TTC34: variants seen among roughly 807,000 people sequenced by gnomAD.
TTC34 encodes the protein tetratricopeptide repeat protein 34.
TTC34 carries 44 observed loss-of-function variants against 40.7 expected under a neutral mutation model. The observed-to-expected ratio is 1.08, with a 90% CI of 0.85 to 1.39. The LOEUF (loss-of-function observed/expected upper bound fraction) is 1.39, where lower values mean the gene tolerates loss of function less well. Ranked by LOEUF, TTC34 falls within the 40% of genes most tolerant of loss-of-function variation. The pLI, the probability that TTC34 is intolerant of heterozygous loss-of-function variation, is 0.00. For missense variants in TTC34, 884 were observed against 838.0 expected (o/e 1.05, Z -0.68); for synonymous variants, 422 against 398.6 (o/e 1.06, Z -0.70).
In TTC34 at chr1:2,687,185, C is replaced by A. The variant is rs28436796; in HGVS notation, c.2227-41622G>T. ...CACACACACAGGCGAGCATCTGAAC[C>A]CACGGAGCAGCACCCACACCTCCCG... On this transcript the variant is annotated intron_variant, in intron 6 of 8. Transcript: ENST00000401095. 1.5e-3 allele frequency among the ~76,000 whole-genome samples: 161 copies of A among 108,376 alleles called. 4 individuals are homozygous for A. In the South Asian group the frequency reaches 0.034, roughly 23 times the overall value. 71.1% of individuals were successfully genotyped at this position (108,376 alleles called of 152,430 possible). A position where few individuals can be genotyped will look rare whatever the true frequency, so the allele number is the denominator to read the frequency against.
chr1:2,749,405 C>A (rs1444652352), intron 6 of TTC34, among the ~76,000 whole-genome samples: 12 of 130,428 alleles, frequency 9.2e-5, no homozygotes, highest in African/African-American at 1.6e-4. Flanking sequence ...ACCCTGCACC[C>A]CCAGGTGCGC....
chr1:2,771,302 G>A (rs1231101546), intron 6 of TTC34, among the ~76,000 whole-genome samples: 15 of 53,244 alleles, frequency 2.8e-4, no homozygotes, highest in Middle Eastern at 8.5e-3. Flanking sequence ...GCATCTGACC[G>A]CATGGAATGG....
chr1:2,750,521 A>C lies in TTC34; in HGVS notation c.2226+33088T>G, dbSNP rs1641281010. ...CATTGGACAGCCTGGATCAGCACCCACATCCCCAAGCGAGCATCCGACAGC... is the reference window on the plus strand; with the variant it reads ...CATTGGACAGCCTGGATCAGCACCCCCATCCCCAAGCGAGCATCCGACAGC... On this transcript the variant is annotated intron_variant, in intron 6 of 8. Transcript: ENST00000401095. Among the ~76,000 whole-genome samples, 2 of 148,386 alleles carry C rather than the reference A, an allele frequency of 1.3e-5. 1 individual carries two copies. Among genetic ancestry groups the C allele is most frequent in the South Asian group, 4.3e-4 (2 of 4,648 alleles).
chr1:2,784,429 T>C (rs1643545004), intron 5 of TTC34, among the ~76,000 whole-genome samples: 1 of 152,178 alleles, frequency 6.6e-6, no homozygotes, highest in South Asian at 2.1e-4. Context: ...TTTAGACCTC[T>C]GGATGACTGT....
At chr1:2,700,414 C>G (rs996950472) in intron 6 of TTC34, among the ~76,000 whole-genome samples, 1 of 113,252 alleles carries the variant, frequency 8.8e-6, no homozygotes, top group African/African-American at 2.8e-5. Context: ...CACCCACACC[C>G]CTAGGCGAGC....
At chr1:2,685,196 C>A (rs548285248) in intron 6 of TTC34, among the ~76,000 whole-genome samples, 3 of 141,446 alleles carry the variant, frequency 2.1e-5, no homozygotes, top group African/African-American at 8.2e-5. Flanking sequence ...ACAGCACCCA[C>A]ACCCCCAGGT....
At chr1:2,642,645 G>C (rs1446651427) in intron 8 of TTC34, among the ~76,000 whole-genome samples, 1 of 152,232 alleles carries the variant, frequency 6.6e-6, no homozygotes, top group Non-Finnish European at 1.5e-5. Context: ...AGAATCTGCA[G>C]GGGTTCCCCG....
At chr1:2,801,362 G>A (rs1407397806) in intron 1 of TTC34, among the ~76,000 whole-genome samples, 1 of 152,042 alleles carries the variant, frequency 6.6e-6, no homozygotes, top group East Asian at 1.9e-4. Flanking sequence ...GGCGCCGAGA[G>A]CACCTGCCAG....
chr1:2,775,491 A>T (rs1169427789), intron 6 of TTC34: 1 of 147,962 alleles, frequency 6.8e-6, no homozygotes, highest in Non-Finnish European at 1.5e-5. Flanking sequence ...TGCATCTGAC[A>T]GCCTGAAACA....
chr1:2,695,643 T>G (rs1319476767), intron 6 of TTC34, among the ~76,000 whole-genome samples: 1 of 33,910 alleles, frequency 2.9e-5, no homozygotes, highest in African/African-American at 8.6e-5. Flanking sequence ...CACCAACAGG[T>G]GAGCATCTGA....
chr1:2,752,792 C>T (rs1641367292), intron 6 of TTC34, among the ~76,000 whole-genome samples: 8 of 125,000 alleles, frequency 6.4e-5, no homozygotes, highest in African/African-American at 1.3e-4. Flanking sequence ...AAGCATGTGA[C>T]AGCCTGGAAC....
chr1:2,699,025 C>G (rs561325143), intron 6 of TTC34, among the ~76,000 whole-genome samples: 3,354 of 141,130 alleles, frequency 0.024, 434 homozygotes, highest in African/African-American at 0.083. Flanking sequence ...AGGTGAGCAT[C>G]TGATGGTCTG....
chr1:2,699,564 G>A (rs1166979925), intron 6 of TTC34, among the ~76,000 whole-genome samples: 23 of 143,294 alleles, frequency 1.6e-4, no homozygotes, highest in African/African-American at 5.8e-4. Context: ...GCCTGGAGCA[G>A]CACCCACACC....
chr1:2,644,779 G>A (rs770727196), intron 7 of TTC34, among the ~76,000 whole-genome samples: 5 of 152,222 alleles, frequency 3.3e-5, no homozygotes, highest in Admixed American at 6.5e-5. Context: ...AGTGGCATGT[G>A]GGGAGCAGCC....
intron 2 of TTC34, among the ~76,000 whole-genome samples, chr1:2,793,752 C>G (rs1643686140): frequency 6.6e-6 from 1 of 152,216 alleles, no homozygotes; most frequent in Non-Finnish European, 1.5e-5. Context: ...GGGTCCACTT[C>G]TGAGCTCTCT....
At chr1:2,644,269 C>T in exon 8 of TTC34, 1 of 1,533,394 alleles carries the variant, frequency 6.5e-7, no homozygotes, top group Non-Finnish European at 8.7e-7. Context: ...GGCACCTGGG[C>T]AAGGCTCTGC....
intron 6 of TTC34, among the ~76,000 whole-genome samples, chr1:2,681,226 C>CA (rs1640058546): frequency 7.9e-6 from 1 of 127,124 alleles, no homozygotes; most frequent in Admixed American, 7.5e-5. Flanking sequence ...ACCCACACCC[C>CA]CAGGCGAGCA....
At chr1:2,687,514 C>A (rs571070882) in intron 6 of TTC34, among the ~76,000 whole-genome samples, 1 of 146,348 alleles carries the variant, frequency 6.8e-6, no homozygotes, top group East Asian at 2.0e-4. Flanking sequence ...CATCCTTGAG[C>A]AGCACCCACA....
chr1:2,638,705 G>A (rs1051481254), exon 9 of TTC34: 1 of 152,326 alleles, frequency 6.6e-6, no homozygotes, highest in Admixed American at 6.5e-5. Flanking sequence ...GTGCGTCCAT[G>A]CCTTAAGGGC....
Sources: allele counts gnomAD v4.1 joint callset (sites outside exome capture counted in the v4.1 genomes callset), GRCh38; gene constraint gnomAD v4.1.1; transcripts MANE v1.5; gene names NCBI Gene and HGNC (gene_info 2026-07-23, HGNC 2026-07-21).